The following RP1 variants were observed in gnomAD, a reference collection of about 807,000 sequenced individuals.
The protein encoded by RP1 is oxygen-regulated protein 1.
Under a neutral mutation model 14.8 loss-of-function variants are expected in RP1, and 16 were observed. The observed-to-expected ratio is 1.08, with a 90% CI of 0.73 to 1.65. The LOEUF is 1.65. Among genes scored for constraint, RP1 ranks in the 40% most tolerant of loss-of-function variants. RP1 has a pLI of 0.00. For synonymous variants in RP1, 876 were observed against 883.6 expected (o/e 0.99, Z 0.15); for missense variants, 2,631 against 2,535.0 (o/e 1.04, Z -0.81).
intron 1 of RP1, among the ~76,000 whole-genome samples, chr8:54,604,094 G>C (rs1224256976): frequency 6.6e-5 from 10 of 152,304 alleles, no homozygotes; most frequent in East Asian, 3.9e-4. Context: ...AGTGGTGAGA[G>C]AGGGCATCCC....
At chr8:54,723,840 A>G (rs973440410) in intron 16 of RP1, among the ~76,000 whole-genome samples, 1 of 152,050 alleles carries the variant, frequency 6.6e-6, no homozygotes, top group Admixed American at 6.6e-5. Context: ...GAGTGAACCT[A>G]TCTATGTTTT....
intron 17 of RP1, among the ~76,000 whole-genome samples, chr8:54,727,858 G>A (rs892166626): frequency 1.3e-5 from 2 of 151,564 alleles, no homozygotes; most frequent in African/African-American, 4.8e-5. Context: ...CAGAGCATAC[G>A]AGACACAAAA....
intron 19 of RP1, among the ~76,000 whole-genome samples, chr8:54,740,223 C>A (rs1348899206): frequency 6.6e-6 from 1 of 150,420 alleles, no homozygotes; most frequent in Non-Finnish European, 1.5e-5. Context: ...AAGAAGTGTT[C>A]CAGAAGAAAG....
chr8:54,837,567 C>G, exon 25 of RP1: 1 of 1,231,560 alleles, frequency 8.1e-7, no homozygotes, highest in Non-Finnish European at 1.0e-6. Context: ...CACATATGAG[C>G]TATTTTGTTT....
At chr8:54,652,722 T>G in intron 4 of RP1, 2 of 1,154,280 alleles carry the variant, frequency 1.7e-6, no homozygotes, top group Admixed American at 2.0e-5. Context: ...TAATCTGAGC[T>G]GTTTTTAAGT....
intron 5 of RP1, among the ~76,000 whole-genome samples, chr8:54,655,564 C>A (rs1448657174): frequency 6.6e-6 from 1 of 152,100 alleles, no homozygotes; most frequent in Non-Finnish European, 1.5e-5. Context: ...TTTATAAAAT[C>A]ACTTTAAACC....
chr8:54,583,536 C>T (rs567908059), intron 1 of RP1, among the ~76,000 whole-genome samples: 15 of 152,154 alleles, frequency 9.9e-5, no homozygotes, highest in African/African-American at 2.6e-4. Flanking sequence ...GGGAGGATTC[C>T]CTCTTTTTCT....
intron 6 of RP1, among the ~76,000 whole-genome samples, chr8:54,659,883 T>A (rs1327766175): frequency 6.6e-6 from 1 of 152,178 alleles, no homozygotes; most frequent in Non-Finnish European, 1.5e-5. Context: ...ATTTGTTTCT[T>A]TATTTTAACA....
intron 7 of RP1, among the ~76,000 whole-genome samples, chr8:54,671,092 A>G (rs1807169695): frequency 6.6e-6 from 1 of 151,868 alleles, no homozygotes; most frequent in East Asian, 1.9e-4. Context: ...TCCACTTTTG[A>G]CAGTTTTGCC....
In RP1 at chr8:54,629,176, G is replaced by A; in HGVS notation, c.5294G>A (p.Gly1765Asp). ...TCATCTGAAAATCCTGGCATGTGTGGCAATGCAGACACCACATCAGTGGAC... is the reference window on the plus strand; with the variant it reads ...TCATCTGAAAATCCTGGCATGTGTGACAATGCAGACACCACATCAGTGGAC... ...RMSSENPGMC[G>D]NADTTSVDTL... The change falls in exon 4 of 4, where the codon GGC (glycine) becomes GAC (aspartate). Residue 1765 changes from glycine to aspartate, a missense_variant. By Grantham distance (94) the Gly-to-Asp change is moderately conservative. Transcript: ENST00000220676. 1.2e-6 allele frequency: 2 copies of A among 1,614,110 alleles called. No homozygotes were observed. Among genetic ancestry groups the A allele is most frequent in the Non-Finnish European group, 1.7e-6 (2 of 1,179,968 alleles).
At chr8:54,571,046 G>A (rs1804508388) in intron 1 of RP1, among the ~76,000 whole-genome samples, 1 of 152,150 alleles carries the variant, frequency 6.6e-6, no homozygotes, top group Admixed American at 6.5e-5. Flanking sequence ...TGCTCCTTCT[G>A]TTGCCAGCCC....
At chr8:54,610,871 C>T (rs1039290958) in intron 1 of RP1, among the ~76,000 whole-genome samples, 1 of 152,112 alleles carries the variant, frequency 6.6e-6, no homozygotes, top group Non-Finnish European at 1.5e-5. Context: ...AATATAGTGC[C>T]TTTTTGTTTT....
chr8:54,758,841 T>A, intron 21 of RP1: 1 of 1,412,868 alleles, frequency 7.1e-7, no homozygotes, highest in Non-Finnish European at 9.5e-7. Context: ...GGCAGTCGTT[T>A]AACTATTATT....
intron 13 of RP1, chr8:54,699,707 A>T (rs923724299): frequency 3.9e-5 from 16 of 410,728 alleles, no homozygotes; most frequent in African/African-American, 3.1e-4. Context: ...TGTTTCACTA[A>T]TTGTTGAGAC....
chr8:54,684,288 T>G (rs1400569693), intron 12 of RP1, among the ~76,000 whole-genome samples: 2 of 152,118 alleles, frequency 1.3e-5, no homozygotes, highest in African/African-American at 4.8e-5. Flanking sequence ...TTGTTGTATC[T>G]CTGCCAGGTT....
In RP1 at chr8:54,679,801, T is replaced by C. The variant is rs766696699; in HGVS notation, c.1588-3T>C. 20 of 1,535,502 alleles carry C rather than the reference T, an allele frequency of 1.3e-5. No individual in the cohort carries two copies. The African/African-American group carries it at 1.5e-4, about 12-fold the overall frequency. On this transcript the variant is annotated splice_polypyrimidine_tract_variant and splice_region_variant and intron_variant, in intron 11 of 22. Coordinates refer to the RP1 transcript ENST00000636932. ...ATTTGTTTTGCTTTGTTTTTCTTTT[T>C]AGTGGACTGCAGAAAGCTGGAAGTT...
chr8:54,701,578 T>C, exon 14 of RP1: 2 of 1,535,774 alleles, frequency 1.3e-6, no homozygotes, highest in Non-Finnish European at 1.7e-6. Context: ...GTCACACAGT[T>C]GTTTTTGATC....
At chr8:54,730,010 A>G (rs963741365) in intron 17 of RP1, among the ~76,000 whole-genome samples, 2 of 152,020 alleles carry the variant, frequency 1.3e-5, no homozygotes, top group Non-Finnish European at 2.9e-5. Context: ...TGTAAATTAT[A>G]TATTGTAAAG....
rs1378095477 is a variant in RP1 at position 54,621,214 on chromosome 8, T to G, written c.248T>G (p.Ile83Ser). 1.2e-6 allele frequency: 2 copies of G among 1,614,048 alleles called. No homozygotes were observed. The highest frequency in any genetic ancestry group is 4.5e-5 in the East Asian group (2 of 44,870). ...CCCCTCCCTTTTGGAGTGAGGAACA[T>G]CAGCACCCCTCGGGGCAGGCACAGC... ...KVPLPFGVRN[I>S]STPRGRHSIT... Residue 83 changes from isoleucine to serine, a missense_variant, in exon 2 of 4, where the codon ATC becomes AGC. By Grantham distance (142) the Ile-to-Ser change is moderately radical. Coordinates refer to ENST00000220676, the MANE Select transcript of RP1 (RefSeq NM_006269.2).
Sources: allele counts gnomAD v4.1 joint callset (sites outside exome capture counted in the v4.1 genomes callset), GRCh38; gene constraint gnomAD v4.1.1; transcripts MANE v1.5; gene names NCBI Gene and HGNC (gene_info 2026-07-23, HGNC 2026-07-21).